KIF5B: variants seen among roughly 807,000 people sequenced by gnomAD.
KIF5B encodes the protein kinesin-1 heavy chain.
In KIF5B, 49 loss-of-function variants were observed where a neutral mutation model predicts 132.8. The ratio of observed to expected loss-of-function variants is 0.37; its 90% confidence interval spans 0.29 to 0.47. KIF5B has a LOEUF of 0.47. Ranked by LOEUF, KIF5B falls within the 20% of genes least tolerant of loss-of-function variation. The probability of loss-of-function intolerance (pLI) is 1.00; values close to 1 mark genes in which losing one functional copy is unlikely to be tolerated. For missense variants in KIF5B, 780 were observed against 1,144.0 expected, an observed-to-expected ratio of 0.68 and a Z score of 4.59; for synonymous variants, 355 against 369.4, an observed-to-expected ratio of 0.96 and a Z score of 0.45.
At chr10:32,038,064 T>C (rs1841483844) in intron 6 of KIF5B, 99 bp downstream of exon 6, 5 of 643,242 alleles carry the variant, frequency 7.8e-6, no homozygotes. Context: ...GAGCCGAGAT[T>C]GCACCACTGC....
chr10:32,048,443 C>A, intron 2 of KIF5B, 21 bp downstream of exon 2: 1 of 1,515,228 alleles, frequency 6.6e-7, no homozygotes, highest in South Asian at 1.2e-5. Context: ...TGAGACAACT[C>A]AGCAGGTTGA....
At chr10:32,034,630 G>T (rs1592447724) in intron 11 of KIF5B, 60 bp downstream of exon 11, 3 of 1,265,896 alleles carry the variant, frequency 2.4e-6, no homozygotes, top group Non-Finnish European at 2.1e-6. Context: ...CTATTTCTAC[G>T]TTTCTATGCT....
At chr10:32,021,472 G>T (rs1402607960) in intron 17 of KIF5B, among the ~76,000 whole-genome samples, 185 bp from the exon 18 acceptor site, 1 of 149,804 alleles carries the variant, frequency 6.7e-6, no homozygotes, top group Non-Finnish European at 1.5e-5. Context: ...CATCCATTGT[G>T]TTGGTATTAT....
At chr10:32,043,260 C>G (rs986580716) in intron 2 of KIF5B, among the ~76,000 whole-genome samples, 6 of 152,218 alleles carry the variant, frequency 3.9e-5, no homozygotes, top group Non-Finnish European at 7.3e-5. Flanking sequence ...ACTTCGGCCT[C>G]CCAAAATGCT....
intron 15 of KIF5B, among the ~76,000 whole-genome samples, chr10:32,027,681 T>C (rs1841351336): frequency 6.6e-6 from 1 of 150,748 alleles, no homozygotes; most frequent in African/African-American, 2.4e-5. Context: ...GGCACAAACA[T>C]GGTTCACAGC....
At chr10:32,047,317 C>T (rs1841624821) in intron 2 of KIF5B, among the ~76,000 whole-genome samples, 1 of 152,074 alleles carries the variant, frequency 6.6e-6, no homozygotes, top group Non-Finnish European at 1.5e-5. Flanking sequence ...CTTCCTGTAA[C>T]TTAACCACCT....
chr10:32,022,028 C>T, intron 17 of KIF5B, 112 bp downstream of exon 17: 1 of 613,586 alleles, frequency 1.6e-6, no homozygotes, highest in Non-Finnish European at 2.9e-6. Flanking sequence ...ATTTGTTTAC[C>T]ATTCGAAATC....
intron 2 of KIF5B, among the ~76,000 whole-genome samples, chr10:32,047,306 T>TC (rs1471837956): frequency 6.6e-6 from 1 of 152,112 alleles, no homozygotes; most frequent in East Asian, 1.9e-4. Flanking sequence ...CTCATATCCT[T>TC]CTTCCTGTAA....
intron 2 of KIF5B, among the ~76,000 whole-genome samples, chr10:32,040,987 CA>C (rs140467980): frequency 0.26 from 26,251 of 101,218 alleles, 2,549 homozygotes; most frequent in Middle Eastern, 0.33. Context: ...GACACCATCT[CA>C]AAAAAAAAAA....
chr10:32,024,556 G>A (rs1444941640), intron 15 of KIF5B, among the ~76,000 whole-genome samples: 3 of 151,542 alleles, frequency 2.0e-5, no homozygotes, highest in African/African-American at 7.3e-5. Context: ...CTGAGGTCAG[G>A]AGTTCAAGAC....
intron 15 of KIF5B, among the ~76,000 whole-genome samples, chr10:32,026,437 CAAAAAAAAAA>C (rs71027049): frequency 1.4e-4 from 7 of 48,930 alleles, no homozygotes; most frequent in South Asian, 1.5e-3. Flanking sequence ...GATTCCGTCT[CAAAAAAAAAA>C]AAAAAAAAAA....
intron 25 of KIF5B, among the ~76,000 whole-genome samples, chr10:32,013,611 T>C (rs1262378066): frequency 1.3e-5 from 2 of 152,096 alleles, no homozygotes; most frequent in African/African-American, 2.4e-5. Flanking sequence ...GAAAAAGAAA[T>C]TGGAAAAATC....
chr10:32,017,909 T>C, intron 23 of KIF5B, 143 bp downstream of exon 23: 3 of 474,450 alleles, frequency 6.3e-6, no homozygotes, highest in Admixed American at 3.4e-5. Context: ...AAGTTACTTA[T>C]GGTTTCTTTA....
chr10:32,009,354 A>AGAC lies in KIF5B; in HGVS notation c.*2180_*2182dup, dbSNP rs1196164241. On this transcript the variant is annotated 3_prime_UTR_variant, in exon 26 of 26. Transcript: ENST00000302418. ...GGAACGTTAATATATCCAGTCAAAA[A>AGAC]GACACTGCAAATTGAAATGTGTCAA... is the stretch of plus-strand genomic sequence containing the variant. 2 of 152,240 alleles carry AGAC rather than the reference A, an allele frequency of 1.3e-5. No homozygotes were observed. Among genetic ancestry groups the AGAC allele is most frequent in the East Asian group, 3.8e-4 (2 of 5,208 alleles). The allele number at this position is 152,240 out of a possible 1,614,324, so 9.4% of individuals were successfully genotyped here. A position where few individuals can be genotyped will look rare whatever the true frequency, so the allele number is the denominator to read the frequency against.
intron 2 of KIF5B, among the ~76,000 whole-genome samples, chr10:32,043,942 A>AACCATGGCTT (rs1259417585): frequency 1.3e-5 from 2 of 152,214 alleles, no homozygotes; most frequent in Non-Finnish European, 2.9e-5. Flanking sequence ...AACAATTTCT[A>AACCATGGCTT]ACCATGGCTT....
intron 14 of KIF5B, among the ~76,000 whole-genome samples, chr10:32,029,631 T>C (rs538090049): frequency 1.6e-4 from 24 of 152,290 alleles, no homozygotes; most frequent in Non-Finnish European, 2.9e-4. Flanking sequence ...ACTCTCTAAC[T>C]GAACAGCAAC....
chr10:32,012,332 G>A (rs1639132), intron 25 of KIF5B, among the ~76,000 whole-genome samples: 71,416 of 151,970 alleles, frequency 0.47, 17,392 homozygotes, highest in East Asian at 0.61. Flanking sequence ...AACCTTAGGC[G>A]GGCGTGGTAG....
chr10:32,041,350 GTTAA>G (rs1023562481), intron 2 of KIF5B, among the ~76,000 whole-genome samples: 1 of 152,064 alleles, frequency 6.6e-6, no homozygotes, highest in Non-Finnish European at 1.5e-5. Flanking sequence ...GCTTTCTGTG[GTTAA>G]TTAAGAAACA....
rs1027003699 is a variant in KIF5B, at chr10:32,056,150, G to A, written c.-177C>T. On this transcript the variant is annotated 5_prime_UTR_variant, in exon 1 of 26. Coordinates refer to ENST00000302418, the MANE Select transcript of KIF5B (RefSeq NM_004521.3). Reference sequence around the variant, plus strand: ...GGGAGCCGGGACTTGAAGAGCCGGCGCCGGCAGCCGTTAACCCTAATGCTC... The same window carrying A: ...GGGAGCCGGGACTTGAAGAGCCGGCACCGGCAGCCGTTAACCCTAATGCTC... The A allele has an allele frequency of 1.7e-5, 11 of 665,192 alleles. No homozygotes were observed. The highest frequency in any genetic ancestry group is 1.5e-4 in the African/African-American group (8 of 52,538). The allele number at this position is 665,192 out of a possible 1,614,324, so 41.2% of individuals were successfully genotyped here.
Sources: gnomAD v4.1 joint callset for allele counts (sites outside exome capture counted in the v4.1 genomes callset) on GRCh38, gnomAD v4.1.1 for gene constraint, MANE v1.5 for transcripts, NCBI Gene and HGNC (gene_info 2026-07-23, HGNC 2026-07-21) for gene names.